The following FAM227B variants were observed in gnomAD, a reference collection of about 807,000 sequenced individuals.
FAM227B encodes the protein family with sequence similarity 227 member B, also known as protein FAM227B.
FAM227B carries 88 observed loss-of-function variants against 73.8 expected under a neutral mutation model. The observed-to-expected ratio is 1.19, with a 90% CI of 1.00 to 1.42. FAM227B has a LOEUF of 1.42. FAM227B is among the 40% of genes most tolerant of loss of function. The pLI, the probability that FAM227B is intolerant of heterozygous loss-of-function variation, is 0.00. For missense variants in FAM227B, 632 were observed against 590.9 expected, an observed-to-expected ratio of 1.07 and a Z score of -0.72; for synonymous variants, 210 against 190.5, an observed-to-expected ratio of 1.10 and a Z score of -0.84.
chr15:49,489,858 T>A (rs1405829000), intron 11 of FAM227B, among the ~76,000 whole-genome samples: 3 of 7,346 alleles, frequency 4.1e-4, no homozygotes, highest in African/African-American at 5.2e-4. Flanking sequence ...TATATATATA[T>A]TTTATATATA....
intron 10 of FAM227B, among the ~76,000 whole-genome samples, chr15:49,518,781 A>G (rs1204703101): frequency 6.6e-6 from 1 of 152,114 alleles, no homozygotes; most frequent in Admixed American, 6.6e-5. Context: ...GACACAGCCA[A>G]ACCATATCAT....
chr15:49,403,040 G>A (rs545537998), intron 11 of FAM227B, among the ~76,000 whole-genome samples: 15 of 152,276 alleles, frequency 9.9e-5, no homozygotes, highest in African/African-American at 3.6e-4. Flanking sequence ...AGATAATCAT[G>A]TGGTTTTTGT....
chr15:49,593,237 G>A (rs758547377), intron 3 of FAM227B, among the ~76,000 whole-genome samples: 5 of 152,082 alleles, frequency 3.3e-5, no homozygotes, highest in East Asian at 1.9e-4. Context: ...TACCTCAGTC[G>A]GAAATGCAGA....
At chr15:49,440,942 AACTGTAAC>A (rs1293689581) in intron 11 of FAM227B, among the ~76,000 whole-genome samples, 10 of 151,796 alleles carry the variant, frequency 6.6e-5, no homozygotes, top group Non-Finnish European at 1.3e-4. Flanking sequence ...AGATGGAAAA[AACTGTAAC>A]AAGAAAACTC....
At position 49,508,338 on chromosome 15, in the gene FAM227B, A is replaced by G; in HGVS notation, c.885T>C (p.Pro295=). ...NIFLWCSGLK[P]QKGFWIHWKL... is the part of the protein sequence containing the mutation. ...TCCAGTGGATCCAAAAGCCTTTTTGAGGTTTTAAACCTGTTAATATAAAAT... is the reference window on the plus strand; with the variant it reads ...TCCAGTGGATCCAAAAGCCTTTTTGGGGTTTTAAACCTGTTAATATAAAAT... Residue 295 remains proline (P), a synonymous_variant, in exon 11 of 16, where the codon CCT becomes CCC. Coordinates refer to ENST00000299338, the MANE Select transcript of FAM227B (RefSeq NM_152647.3). 1 of 1,598,066 alleles carries G rather than the reference A, an allele frequency of 6.3e-7. No individual in the cohort carries two copies. Among genetic ancestry groups the G allele is most frequent in the South Asian group, 1.1e-5 (1 of 87,564 alleles).
At chr15:49,344,249 T>C (rs1218573463) in intron 13 of FAM227B, 3 of 152,212 alleles carry the variant, frequency 2.0e-5, no homozygotes, top group African/African-American at 7.2e-5. Flanking sequence ...AAAAATTATT[T>C]TCATTTTTCT....
intron 10 of FAM227B, among the ~76,000 whole-genome samples, chr15:49,531,093 AACTAATAAT>A (rs1317131041): frequency 1.5e-5 from 2 of 133,400 alleles, no homozygotes; most frequent in African/African-American, 3.0e-5. Context: ...AAAAAGTTTA[AACTAATAAT>A]TAAATTATAA....
At chr15:49,375,742 C>G (rs1397684866) in intron 11 of FAM227B, among the ~76,000 whole-genome samples, 1 of 151,924 alleles carries the variant, frequency 6.6e-6, no homozygotes, top group Non-Finnish European at 1.5e-5. Context: ...TAGAGCATAC[C>G]GTCTGATAAA....
At chr15:49,418,762 T>C (rs1325483568) in intron 11 of FAM227B, among the ~76,000 whole-genome samples, 1 of 151,842 alleles carries the variant, frequency 6.6e-6, no homozygotes, top group Non-Finnish European at 1.5e-5. Context: ...TCTGCACATG[T>C]ACCCCTGAAC....
intron 13 of FAM227B, among the ~76,000 whole-genome samples, chr15:49,355,184 TCTC>T (rs1001952755): frequency 3.9e-5 from 6 of 151,940 alleles, no homozygotes; most frequent in African/African-American, 1.2e-4. Flanking sequence ...GCAGAGCGCC[TCTC>T]CTCCTCCAAA....
At position 49,339,715 on chromosome 15, in the gene FAM227B, T is replaced by C. The variant is rs563471808; in HGVS notation, c.1272-4219A>G. Among the ~76,000 whole-genome samples the C allele has an allele frequency of 2.8e-3, 429 of 152,350 alleles. 4 individuals are homozygous for C. The highest frequency in any genetic ancestry group is 9.9e-3 in the African/African-American group (413 of 41,582). Reference sequence around the variant, plus strand: ...TATGGACGTTTAAGTTTGCTGAAGCTGTGCCTACAACCGCCCCTTGCCCCA... The same window carrying C: ...TATGGACGTTTAAGTTTGCTGAAGCCGTGCCTACAACCGCCCCTTGCCCCA... On this transcript the variant is annotated intron_variant, in intron 13 of 15. Coordinates refer to ENST00000299338, the MANE Select transcript of FAM227B (RefSeq NM_152647.3).
intron 11 of FAM227B, among the ~76,000 whole-genome samples, chr15:49,493,791 TACAC>T (rs1427909418): frequency 6.6e-6 from 1 of 151,626 alleles, no homozygotes; most frequent in Non-Finnish European, 1.5e-5. Flanking sequence ...GCAACACAAA[TACAC>T]ACACACTTAT....
At chr15:49,437,256 C>T (rs921154901) in intron 11 of FAM227B, among the ~76,000 whole-genome samples, 10 of 151,436 alleles carry the variant, frequency 6.6e-5, no homozygotes, top group Non-Finnish European at 1.2e-4. Context: ...AGATAATTTC[C>T]TTCCCTAAAG....
intron 11 of FAM227B, chr15:49,422,297 T>TA (rs2049750923): frequency 5.8e-6 from 1 of 171,418 alleles, no homozygotes; most frequent in African/African-American, 2.4e-5. Context: ...AATACAACAC[T>TA]TGAGCACTAC....
intron 10 of FAM227B, among the ~76,000 whole-genome samples, chr15:49,539,063 C>T (rs2070687292): frequency 6.6e-6 from 1 of 152,086 alleles, no homozygotes; most frequent in African/African-American, 2.4e-5. Context: ...TCACCTCTTC[C>T]AGAATTTACA....
chr15:49,335,935 C>T (rs2039632813), intron 13 of FAM227B, among the ~76,000 whole-genome samples: 1 of 152,124 alleles, frequency 6.6e-6, no homozygotes, highest in South Asian at 2.1e-4. Flanking sequence ...TCACTGTGAC[C>T]TCAAACTCCT....
chr15:49,545,541 T>A (rs2071712245), intron 9 of FAM227B, among the ~76,000 whole-genome samples: 1 of 152,184 alleles, frequency 6.6e-6, no homozygotes, highest in South Asian at 2.1e-4. Flanking sequence ...GGTTTGGGAT[T>A]GGTTTGTTCT....
rs192960340 is a variant in FAM227B, at chr15:49,413,452, G to A, written c.1013-42053C>T. Among the ~76,000 whole-genome samples, 46 of 152,062 alleles carry A rather than the reference G, an allele frequency of 3.0e-4. 1 individual carries two copies. The highest frequency in any genetic ancestry group is 7.7e-4 in the East Asian group (4 of 5,176). ...TTTCTTTTGTAAATTGCCCAGTCTC[G>A]GGTATGACTTTATCAGCAGCATAAG... On this transcript the variant is annotated intron_variant, in intron 11 of 15. Transcript: ENST00000299338.
chr15:49,397,955 C>A (rs574621927), intron 11 of FAM227B, among the ~76,000 whole-genome samples: 11 of 152,152 alleles, frequency 7.2e-5, no homozygotes, highest in Non-Finnish European at 1.6e-4. Flanking sequence ...AGCAAAATAA[C>A]CAGCTAACAT....
Sources: allele counts gnomAD v4.1 joint callset (sites outside exome capture counted in the v4.1 genomes callset), GRCh38; gene constraint gnomAD v4.1.1; transcripts MANE v1.5; gene names NCBI Gene and HGNC (gene_info 2026-07-23, HGNC 2026-07-21).